RFX3: variants seen among roughly 807,000 people sequenced by gnomAD.
RFX3 encodes the protein transcription factor RFX3.
Under a neutral mutation model 98.6 loss-of-function variants are expected in RFX3, and 14 were observed. The observed-to-expected ratio is 0.14, with a 90% confidence interval of 0.09 to 0.22. The LOEUF (loss-of-function observed/expected upper bound fraction) is 0.22. Among genes scored for constraint, RFX3 ranks in the 10% least tolerant of loss-of-function variants. The pLI is 1.00. For synonymous variants in RFX3, 383 were observed against 328.4 expected, an observed-to-expected ratio of 1.17 and a Z score of -1.80; for missense variants, 639 against 926.9, an observed-to-expected ratio of 0.69 and a Z score of 4.03.
At chr9:3,459,767 C>A (rs1847522886) in intron 1 of RFX3, among the ~76,000 whole-genome samples, 1 of 151,996 alleles carries the variant, frequency 6.6e-6, no homozygotes, top group African/African-American at 2.4e-5. Flanking sequence ...GTTATCTCAT[C>A]CTACTACATT....
chr9:3,498,057 CAGCTATATGAGGA>C (rs1181894441), intron 1 of RFX3, among the ~76,000 whole-genome samples: 6 of 151,962 alleles, frequency 3.9e-5, no homozygotes, highest in Non-Finnish European at 7.4e-5. Context: ...CCAACTCTAG[CAGCTATATGAGGA>C]TCTGATTCTT....
chr9:3,415,070 GTA>G lies in RFX3; in HGVS notation c.-8-19476_-8-19475del, dbSNP rs1296182698. ...TACTTATATATATACTCATATATAA[GTA>G]TATATATATTCTTATATATATACTC... On this transcript the variant is annotated intron_variant, in intron 1 of 16. Transcript: ENST00000617270. Among the ~76,000 whole-genome samples, 14 of 81,366 alleles carry G rather than the reference GTA, an allele frequency of 1.7e-4. No homozygotes were observed. In the East Asian group the frequency reaches 2.6e-3, roughly 15 times the overall value. The allele number at this position is 81,366 out of a possible 152,430, so 53.4% of individuals were successfully genotyped here.
At chr9:3,247,429 T>C (rs1363761841) in intron 15 of RFX3, 9 of 750,180 alleles carry the variant, frequency 1.2e-5, no homozygotes, top group African/African-American at 7.6e-5. Context: ...TCATTTAACC[T>C]TTCTGTGCCT....
At chr9:3,335,492 A>C (rs1833066377) in intron 3 of RFX3, among the ~76,000 whole-genome samples, 1 of 152,170 alleles carries the variant, frequency 6.6e-6, no homozygotes, top group Non-Finnish European at 1.5e-5. Context: ...CATATGTTCA[A>C]GAAAACGACT....
intron 4 of RFX3, among the ~76,000 whole-genome samples, chr9:3,310,675 A>C (rs1187480498): frequency 6.6e-6 from 1 of 152,222 alleles, no homozygotes; most frequent in African/African-American, 2.4e-5. Context: ...CCTTTTTAAC[A>C]GATTAGAAAC....
intron 3 of RFX3, among the ~76,000 whole-genome samples, chr9:3,335,756 G>C (rs1012483197): frequency 1.3e-5 from 2 of 152,098 alleles, no homozygotes; most frequent in Non-Finnish European, 2.9e-5. Flanking sequence ...GTGTATACTT[G>C]CCGACAGAAG....
At chr9:3,525,460 C>A (rs933598548) in intron 1 of RFX3, among the ~76,000 whole-genome samples, 36 of 152,118 alleles carry the variant, frequency 2.4e-4, no homozygotes, top group Non-Finnish European at 4.3e-4. Context: ...TCGCAGCCCC[C>A]CAAGCTCCCG....
At chr9:3,424,425 G>C (rs550821976) in intron 1 of RFX3, among the ~76,000 whole-genome samples, 19 of 129,432 alleles carry the variant, frequency 1.5e-4, no homozygotes, top group African/African-American at 1.9e-4. Context: ...GCAGTGGCGC[G>C]ATCTCGACTC....
intron 15 of RFX3, chr9:3,247,371 T>G (rs1490060490): frequency 1.0e-6 from 1 of 971,438 alleles, no homozygotes; most frequent in Non-Finnish European, 1.2e-6. Context: ...GGTTTGAAAA[T>G]CAGACTGTGT....
intron 1 of RFX3, among the ~76,000 whole-genome samples, chr9:3,441,264 C>T (rs1438669225): frequency 1.3e-5 from 2 of 151,772 alleles, no homozygotes; most frequent in South Asian, 2.1e-4. Context: ...CCAGTATGAA[C>T]GCATATTTAG....
At chr9:3,246,447 C>T (rs1820686960) in intron 15 of RFX3, among the ~76,000 whole-genome samples, 1 of 152,072 alleles carries the variant, frequency 6.6e-6, no homozygotes, top group South Asian at 2.1e-4. Flanking sequence ...CCTAGAGATG[C>T]AAGGAAAGCA....
At chr9:3,505,701 T>G (rs1817019635) in intron 1 of RFX3, among the ~76,000 whole-genome samples, 1 of 151,290 alleles carries the variant, frequency 6.6e-6, no homozygotes, top group South Asian at 2.1e-4. Context: ...AAATGTTACC[T>G]TATCTGCAAG....
chr9:3,261,942 T>C (rs973850105), intron 13 of RFX3, among the ~76,000 whole-genome samples: 4 of 152,208 alleles, frequency 2.6e-5, no homozygotes, highest in African/African-American at 7.2e-5. Flanking sequence ...GCCATTTGTA[T>C]GTTTTCTTTG....
At chr9:3,267,115 T>C (rs1823749010) in intron 11 of RFX3, among the ~76,000 whole-genome samples, 1 of 151,952 alleles carries the variant, frequency 6.6e-6, no homozygotes, top group Admixed American at 6.6e-5. Context: ...CTTACTGAGA[T>C]TGCTATATAG....
At chr9:3,412,512 T>G (rs1043840239) in intron 1 of RFX3, among the ~76,000 whole-genome samples, 4 of 152,224 alleles carry the variant, frequency 2.6e-5, no homozygotes, top group Non-Finnish European at 5.9e-5. Context: ...TTAGTTATTT[T>G]TTTCTTCTTG....
chr9:3,504,536 G>T (rs924059000), intron 1 of RFX3, among the ~76,000 whole-genome samples: 1 of 130,692 alleles, frequency 7.7e-6, no homozygotes, highest in African/African-American at 3.1e-5. Flanking sequence ...TATATTATAT[G>T]CCATATGGTA....
chr9:3,446,165 C>G (rs1043750008), intron 1 of RFX3, among the ~76,000 whole-genome samples: 5 of 151,908 alleles, frequency 3.3e-5, no homozygotes, highest in African/African-American at 1.2e-4. Flanking sequence ...AATGAGTAAA[C>G]AAACAAATTG....
intron 7 of RFX3, among the ~76,000 whole-genome samples, chr9:3,282,080 C>T (rs1391803636): frequency 6.6e-6 from 1 of 151,748 alleles, no homozygotes; most frequent in Non-Finnish European, 1.5e-5. Flanking sequence ...AATTGAAATA[C>T]TGAGCTCAGA....
Position 3,468,800 on chromosome 9 carries a change from G to A in RFX3, c.-9+56947C>T, listed in dbSNP as rs1238941984. On this transcript the variant is annotated intron_variant, in intron 1 of 16. Transcript: ENST00000617270. Reference sequence around the variant, plus strand: ...GAAAATATTTCTCAGATTTTTACCCGATTGTTTTCCTTTTGAAAAAAAAAA... The same window carrying A: ...GAAAATATTTCTCAGATTTTTACCCAATTGTTTTCCTTTTGAAAAAAAAAA... Among the ~76,000 whole-genome samples the A allele has an allele frequency of 5.7e-5, 7 of 122,864 alleles. No individual in the cohort carries two copies. In the South Asian group the frequency reaches 8.0e-4, roughly 14 times the overall value. The allele number at this position is 122,864 out of a possible 152,430, so 80.6% of individuals were successfully genotyped here.
Sources: allele counts gnomAD v4.1 joint callset (sites outside exome capture counted in the v4.1 genomes callset), GRCh38; gene constraint gnomAD v4.1.1; transcripts MANE v1.5; gene names NCBI Gene and HGNC (gene_info 2026-07-23, HGNC 2026-07-21).